NGF: variants seen among roughly 807,000 people sequenced by gnomAD.
NGF encodes beta-nerve growth factor.
In NGF, 4 loss-of-function variants were observed where a neutral mutation model predicts 12.8. The observed-to-expected ratio is 0.31, with a 90% confidence interval of 0.15 to 0.72. The LOEUF (loss-of-function observed/expected upper bound fraction) is 0.72. Ranked by LOEUF, NGF falls within the 30% of genes least tolerant of loss-of-function variation. NGF has a pLI of 0.69. For missense variants in NGF, 283 were observed against 330.8 expected, an observed-to-expected ratio of 0.86 and a Z score of 1.12; for synonymous variants, 140 against 130.0, an observed-to-expected ratio of 1.08 and a Z score of -0.52.
chr1:115,319,002 T>C (rs1039637448), intron 1 of NGF, among the ~76,000 whole-genome samples: 1 of 152,148 alleles, frequency 6.6e-6, no homozygotes, highest in Non-Finnish European at 1.5e-5. Context: ...AGATTCAAAC[T>C]CTGTATGTTC....
At chr1:115,298,152 G>A (rs952068646) in intron 1 of NGF, among the ~76,000 whole-genome samples, 4 of 152,192 alleles carry the variant, frequency 2.6e-5, no homozygotes, top group Non-Finnish European at 5.9e-5. Context: ...CCCACGCCCA[G>A]TTGTCTAGAT....
At chr1:115,298,562 A>G (rs1260660539) in intron 1 of NGF, among the ~76,000 whole-genome samples, 3 of 151,708 alleles carry the variant, frequency 2.0e-5, no homozygotes, top group Admixed American at 2.0e-4. Flanking sequence ...TCCTGGGCAG[A>G]AACTAGGAGA....
chr1:115,303,584 C>T (rs1040992459), intron 1 of NGF, among the ~76,000 whole-genome samples: 3 of 152,092 alleles, frequency 2.0e-5, no homozygotes, highest in Non-Finnish European at 4.4e-5. Context: ...AACACTTCCT[C>T]ACCACCAACA....
At chr1:115,303,923 G>A (rs1175652343) in intron 1 of NGF, among the ~76,000 whole-genome samples, 2 of 152,158 alleles carry the variant, frequency 1.3e-5, no homozygotes, top group Admixed American at 6.5e-5. Context: ...ATAGAGTGGG[G>A]TCTAGAAATC....
chr1:115,292,727 C>T (rs532530411), intron 2 of NGF, among the ~76,000 whole-genome samples: 1 of 152,206 alleles, frequency 6.6e-6, no homozygotes, highest in South Asian at 2.1e-4. Flanking sequence ...CCCCCAACAT[C>T]GAAATGAAAA....
In NGF at chr1:115,328,774, A is replaced by G. The variant is rs553054939; in HGVS notation, c.-137+9430T>C. The stretch of plus-strand genomic sequence containing the variant: ...AAGGCCATGAAAGGCCATGCTACCC[A>G]ATGTCAGTGCCCAGTGACAGGGAGG... On this transcript the variant is annotated intron_variant, in intron 1 of 2. Transcript: ENST00000369512. Among the ~76,000 whole-genome samples the G allele has an allele frequency of 4.7e-4, 72 of 152,270 alleles. No individual in the cohort carries two copies. The South Asian group carries it at 6.6e-3, about 14-fold the overall frequency.
rs79702304 is a variant in NGF at position 115,296,373 on chromosome 1, T to G, written c.-136-2623A>C. Among the ~76,000 whole-genome samples the G allele has an allele frequency of 4.2e-3, 634 of 152,324 alleles. 4 individuals are homozygous for G. Among genetic ancestry groups the G allele is most frequent in the Non-Finnish European group, 5.4e-3 (366 of 68,022 alleles). On this transcript the variant is annotated intron_variant, in intron 1 of 2. Transcript: ENST00000369512. ...GCAACCAGAGAAGTAATAGTGACTT[T>G]CTCAGGAAATATTCTGGATATTCCA...
At chr1:115,331,219 A>T (rs1162734814) in intron 1 of NGF, among the ~76,000 whole-genome samples, 3 of 152,152 alleles carry the variant, frequency 2.0e-5, no homozygotes, top group Non-Finnish European at 2.9e-5. Context: ...AGTTGGCATC[A>T]TGATTCCCTT....
At chr1:115,314,437 C>T (rs1654416847) in intron 1 of NGF, among the ~76,000 whole-genome samples, 1 of 152,212 alleles carries the variant, frequency 6.6e-6, no homozygotes, top group South Asian at 2.1e-4. Flanking sequence ...GACTATCTCT[C>T]AGAAAAATTA....
At chr1:115,329,645 T>G (rs4839028) in intron 1 of NGF, among the ~76,000 whole-genome samples, 24,963 of 152,150 alleles carry the variant, frequency 0.16, 2,920 homozygotes, top group African/African-American at 0.32. Context: ...TATTAATTTT[T>G]GAAAATGTTA....
intron 1 of NGF, among the ~76,000 whole-genome samples, chr1:115,314,291 T>C (rs962022902): frequency 1.3e-5 from 2 of 152,182 alleles, no homozygotes; most frequent in Non-Finnish European, 2.9e-5. Context: ...TGGCTTTGCA[T>C]GCTCAGGCCT....
chr1:115,333,713 C>A (rs11584424), intron 1 of NGF, among the ~76,000 whole-genome samples: 2 of 44,504 alleles, frequency 4.5e-5, no homozygotes, highest in Non-Finnish European at 7.7e-5. Context: ...TTCTTTCTTT[C>A]TTTTCTTTCT....
At chr1:115,319,406 T>C (rs1654556267) in intron 1 of NGF, among the ~76,000 whole-genome samples, 1 of 152,130 alleles carries the variant, frequency 6.6e-6, no homozygotes, top group Non-Finnish European at 1.5e-5. Context: ...CATGTGTACA[T>C]GTACTCGCAC....
At chr1:115,293,236 C>T (rs1207881420) in intron 2 of NGF, among the ~76,000 whole-genome samples, 1 of 152,106 alleles carries the variant, frequency 6.6e-6, no homozygotes, top group East Asian at 1.9e-4. Flanking sequence ...CTCTTCCCTA[C>T]CCCTCTACTC....
At chr1:115,336,747 G>T (rs922795918) in intron 1 of NGF, among the ~76,000 whole-genome samples, 3 of 152,220 alleles carry the variant, frequency 2.0e-5, no homozygotes, top group African/African-American at 7.2e-5. Flanking sequence ...CTCGAGAAGG[G>T]GAAAGATTCC....
chr1:115,306,070 C>G (rs1654195061), intron 1 of NGF, among the ~76,000 whole-genome samples: 1 of 152,164 alleles, frequency 6.6e-6, no homozygotes, highest in Non-Finnish European at 1.5e-5. Context: ...TTAAACAAAA[C>G]TAGAGTAAAA....
intron 1 of NGF, among the ~76,000 whole-genome samples, chr1:115,295,776 A>G (rs950917831): frequency 1.5e-4 from 23 of 152,246 alleles, no homozygotes; most frequent in African/African-American, 4.3e-4. Context: ...TCCAGGCTGC[A>G]TTGCTACTAG....
At chr1:115,323,988 C>A (rs963879151) in intron 1 of NGF, among the ~76,000 whole-genome samples, 1 of 152,172 alleles carries the variant, frequency 6.6e-6, no homozygotes, top group African/African-American at 2.4e-5. Context: ...ATTTGTATAA[C>A]CTGGAATCCC....
chr1:115,297,121 T>C (rs1354363553), intron 1 of NGF, among the ~76,000 whole-genome samples: 1 of 152,200 alleles, frequency 6.6e-6, no homozygotes, highest in Non-Finnish European at 1.5e-5. Flanking sequence ...TTTAGTAATA[T>C]CTTAGAACAT....
Sources: gnomAD v4.1 joint callset for allele counts (sites outside exome capture counted in the v4.1 genomes callset) on GRCh38, gnomAD v4.1.1 for gene constraint, MANE v1.5 for transcripts, NCBI Gene and HGNC (gene_info 2026-07-23, HGNC 2026-07-21) for gene names.